Variants in EYS observed in about 807,000 individuals in gnomAD.
EYS encodes protein eyes shut homolog.
Under a neutral mutation model 282.1 loss-of-function variants are expected in EYS, and 250 were observed. That is an observed-to-expected ratio of 0.89 (90% CI 0.80 to 0.98). EYS has a LOEUF of 0.98. Among genes scored for constraint, EYS ranks in the 50% least tolerant of loss-of-function variants. EYS has a pLI of 0.00. For missense variants in EYS, 4,016 were observed against 3,709.0 expected, an observed-to-expected ratio of 1.08 and a Z score of -2.15; for synonymous variants, 1,355 against 1,282.9, an observed-to-expected ratio of 1.06 and a Z score of -1.20.
intron 26 of EYS, among the ~76,000 whole-genome samples, chr6:64,569,026 G>GAAAAAAAAAAAAAAAAAAAAAAAAAAA (rs4034162): frequency 9.8e-6 from 1 of 101,728 alleles, no homozygotes; most frequent in African/African-American, 3.9e-5. Flanking sequence ...AGATGGAAAA[G>GAAAAAAAAAAAAAAAAAAAAAAAAAAA]AAAAAAAAAA....
intron 30 of EYS, among the ~76,000 whole-genome samples, chr6:64,286,891 G>A (rs1250884841): frequency 6.7e-6 from 1 of 148,432 alleles, no homozygotes; most frequent in Non-Finnish European, 1.5e-5. Context: ...TTATATATGT[G>A]TAGCATATAC....
At chr6:65,169,854 C>CA (rs1471226000) in intron 12 of EYS, among the ~76,000 whole-genome samples, 1 of 151,468 alleles carries the variant, frequency 6.6e-6, no homozygotes, top group Non-Finnish European at 1.5e-5. Flanking sequence ...ACAGTTGGAA[C>CA]AACTTCCTTT....
At chr6:64,516,943 G>A (rs570619773) in intron 26 of EYS, among the ~76,000 whole-genome samples, 39 of 151,664 alleles carry the variant, frequency 2.6e-4, no homozygotes, top group South Asian at 6.2e-4. Flanking sequence ...ATATGTAATT[G>A]CATTATCAAT....
At chr6:64,933,353 C>T (rs887907924) in intron 15 of EYS, among the ~76,000 whole-genome samples, 1 of 151,982 alleles carries the variant, frequency 6.6e-6, no homozygotes, top group African/African-American at 2.4e-5. Context: ...CAAAAGGAGA[C>T]ATTTATGTGG....
intron 12 of EYS, among the ~76,000 whole-genome samples, chr6:65,082,588 A>G (rs1242122374): frequency 1.3e-5 from 2 of 152,104 alleles, no homozygotes; most frequent in African/African-American, 4.8e-5. Flanking sequence ...GAAATTAAGT[A>G]TTAAGGCACT....
At chr6:65,104,372 A>C (rs909601456) in intron 12 of EYS, among the ~76,000 whole-genome samples, 1 of 151,458 alleles carries the variant, frequency 6.6e-6, no homozygotes, top group Admixed American at 6.6e-5. Context: ...TTTAATTTAC[A>C]TCTTTCACAT....
intron 12 of EYS, among the ~76,000 whole-genome samples, chr6:65,060,874 C>G (rs1459131515): frequency 1.3e-5 from 2 of 150,968 alleles, no homozygotes; most frequent in East Asian, 3.9e-4. Context: ...ATCCATGGCT[C>G]TTAGAATAGC....
chr6:63,898,531 G>A (rs1410030102), intron 35 of EYS, among the ~76,000 whole-genome samples: 1 of 151,518 alleles, frequency 6.6e-6, no homozygotes, highest in Non-Finnish European at 1.5e-5. Context: ...AATAAAAAAT[G>A]AGTATTATTT....
intron 29 of EYS, among the ~76,000 whole-genome samples, chr6:64,357,947 G>T (rs1403435967): frequency 6.6e-6 from 1 of 151,624 alleles, no homozygotes; most frequent in Non-Finnish European, 1.5e-5. Context: ...AAGCAAGGCT[G>T]TGTTCTTTAC....
At chr6:64,537,919 A>G (rs1410987977) in intron 26 of EYS, among the ~76,000 whole-genome samples, 1 of 152,226 alleles carries the variant, frequency 6.6e-6, no homozygotes, top group African/African-American at 2.4e-5. Context: ...TTTGAGGAAT[A>G]GATTTTTTAC....
chr6:64,021,682 A>G (rs150658803), intron 33 of EYS, among the ~76,000 whole-genome samples: 1 of 152,310 alleles, frequency 6.6e-6, no homozygotes, highest in East Asian at 1.9e-4. Flanking sequence ...TACATTCACT[A>G]CATTCACATG....
chr6:65,447,290 C>T (rs72648380), intron 5 of EYS, among the ~76,000 whole-genome samples: 3 of 98,676 alleles, frequency 3.0e-5, no homozygotes, highest in East Asian at 3.8e-4. Flanking sequence ...GAACCTGACT[C>T]TCTTTCTTTC....
intron 12 of EYS, among the ~76,000 whole-genome samples, chr6:65,189,184 A>T (rs1237909394): frequency 1.3e-5 from 2 of 151,610 alleles, no homozygotes; most frequent in Non-Finnish European, 2.9e-5. Flanking sequence ...TATGATAGTA[A>T]TTTGCAATAA....
At chr6:63,995,564 G>A (rs1767798217) in intron 34 of EYS, among the ~76,000 whole-genome samples, 1 of 151,944 alleles carries the variant, frequency 6.6e-6, no homozygotes, top group Admixed American at 6.6e-5. Flanking sequence ...TTATCCAAAA[G>A]AACTGGAAAT....
chr6:63,837,944 GA>G (rs1251772015), intron 36 of EYS, among the ~76,000 whole-genome samples: 1 of 152,152 alleles, frequency 6.6e-6, no homozygotes, highest in Non-Finnish European at 1.5e-5. Flanking sequence ...TTTCTTGTCA[GA>G]AGATTTTGGA....
At chr6:64,101,514 C>T (rs1405474666) in intron 31 of EYS, among the ~76,000 whole-genome samples, 1 of 150,740 alleles carries the variant, frequency 6.6e-6, no homozygotes, top group Non-Finnish European at 1.5e-5. Flanking sequence ...AGAACAAAAA[C>T]AAAAATAGAA....
chr6:65,234,569 T>C (rs771569992), intron 12 of EYS, among the ~76,000 whole-genome samples: 1 of 152,216 alleles, frequency 6.6e-6, no homozygotes, highest in Non-Finnish European at 1.5e-5. Context: ...ATCAGATTAA[T>C]TGATTTGTGA....
intron 33 of EYS, 109 bp downstream of exon 33, chr6:64,066,229 G>A: frequency 1.1e-6 from 1 of 950,578 alleles, no homozygotes; most frequent in Non-Finnish European, 1.6e-6. Flanking sequence ...AGTGAGCTGA[G>A]ATCACACCAC....
chr6:65,073,576 A>C (rs2150167260), intron 12 of EYS, among the ~76,000 whole-genome samples: 1 of 151,862 alleles, frequency 6.6e-6, no homozygotes, highest in African/African-American at 2.4e-5. Flanking sequence ...ATATAATAAA[A>C]ATTAGAGGAA....
Sources: allele counts gnomAD v4.1 joint callset (sites outside exome capture counted in the v4.1 genomes callset), GRCh38; gene constraint gnomAD v4.1.1; transcripts MANE v1.5; gene names NCBI Gene and HGNC (gene_info 2026-07-23, HGNC 2026-07-21).